The following BPTF variants were observed in gnomAD, a reference collection of about 807,000 sequenced individuals.
The protein encoded by BPTF is bromodomain PHD finger transcription factor.
Under a neutral mutation model 292.5 loss-of-function variants are expected in BPTF, and 18 were observed. That is an observed-to-expected ratio of 0.06 (90% CI 0.04 to 0.09). The LOEUF (loss-of-function observed/expected upper bound fraction) is 0.09, where lower values mean the gene tolerates loss of function less well. BPTF is among the 10% of genes least tolerant of loss of function. BPTF has a pLI of 1.00. For missense variants in BPTF, 2,726 were observed against 3,498.7 expected (o/e 0.78, Z 5.57); for synonymous variants, 1,225 against 1,251.9 (o/e 0.98, Z 0.45).
chr17:67,868,355 A>G (rs1358559530), intron 3 of BPTF, among the ~76,000 whole-genome samples: 1 of 152,096 alleles, frequency 6.6e-6, no homozygotes, highest in Non-Finnish European at 1.5e-5. Context: ...GTGTTTTCTA[A>G]TGTAGCCATC....
rs563746118 is a variant in BPTF, at chr17:67,852,276, C to T, written c.614-1664C>T. Among the ~76,000 whole-genome samples, 4 of 151,900 alleles carry T rather than the reference C, an allele frequency of 2.6e-5. No individual in the cohort carries two copies. In the South Asian group the frequency reaches 8.3e-4, roughly 32 times the overall value. On this transcript the variant is annotated intron_variant, in intron 1 of 27. Coordinates refer to ENST00000306378, the MANE Select transcript of BPTF (RefSeq NM_182641.4). ...TTTTATATTTTTATAGATACCTGTC[C>T]AATTTTTTCTTTTAAAATTTTATAA...
chr17:67,854,197 T>C lies in BPTF; in HGVS notation c.871T>C (p.Leu291=). 1 of 1,614,242 alleles carries C rather than the reference T, an allele frequency of 6.2e-7. No individual in the cohort carries two copies. Among genetic ancestry groups the C allele is most frequent in the Non-Finnish European group, 8.5e-7 (1 of 1,180,048 alleles). Residue 291 remains leucine, a synonymous_variant, in exon 2 of 28, where the codon TTG becomes CTG. Transcript: ENST00000306378. This position sits in a 1 kb window ranked among gnomAD's most constrained non-coding sequence, Gnocchi z 5.6. The part of the protein sequence containing the change: ...TLMAEMHVVL[L]KAVLREEDTS... The stretch of plus-strand genomic sequence containing the variant: ...CATGGCAGAGATGCATGTTGTGCTT[T>C]TGAAAGCAGTTCTGCGTGAAGAAGA...
intron 4 of BPTF, 149 bp downstream of exon 4, chr17:67,875,169 C>G: frequency 1.5e-6 from 1 of 686,498 alleles, no homozygotes; most frequent in South Asian, 2.0e-5. Flanking sequence ...CCTCTTATAA[C>G]GTGTGTAACA....
Position 67,825,683 on chromosome 17 carries a change from CCTCCCCCTTCGCTTTCCTT to C in BPTF, c.-34_-16del. 1.2e-6 allele frequency: 1 copy of C among 807,354 alleles called. No homozygotes were observed. The highest frequency in any genetic ancestry group is 1.6e-6 in the Non-Finnish European group (1 of 644,846). 50.0% of individuals were successfully genotyped at this position (807,354 alleles called of 1,614,324 possible). A position where few individuals can be genotyped will look rare whatever the true frequency, so the allele number is the denominator to read the frequency against. ...CCCCACCGCCCCCCCTGCGCCCGCC[CCTCCCCCTTCGCTTTCCTT>C]CTCCCCCCGCCTCGGCTCCGACATG... On this transcript the variant is annotated 5_prime_UTR_variant, in exon 1 of 28. Transcript: ENST00000306378.
intron 14 of BPTF, 45 bp downstream of exon 14, chr17:67,923,035 C>A: frequency 3.3e-6 from 5 of 1,503,732 alleles, no homozygotes; most frequent in Non-Finnish European, 4.5e-6. Flanking sequence ...AAGATTTTAT[C>A]ACTTCAGAAT....
intron 11 of BPTF, among the ~76,000 whole-genome samples, chr17:67,917,131 C>CCTTTTTTTTTTTTTTTTTTTTTTTTTTTT (rs2063065953): frequency 8.5e-5 from 9 of 105,788 alleles, no homozygotes; most frequent in African/African-American, 2.9e-4. Flanking sequence ...TGGTATTGTC[C>CCTTTTTTTTTTTTTTTTTTTTTTTTTTTT]TTTTTTTTTT....
Position 67,912,347 on chromosome 17 carries a change from T to A in BPTF, c.4463T>A (p.Leu1488Gln), listed in dbSNP as rs2062709664. 6.2e-7 allele frequency: 1 copy of A among 1,614,000 alleles called. No homozygotes were observed. Among genetic ancestry groups the A allele is most frequent in the African/African-American group, 1.3e-5 (1 of 74,928 alleles). The change falls in exon 11 of 28, where the codon CTG becomes CAG. Residue 1488 changes from leucine (L) to glutamine (Q), a missense_variant. Around this residue, in one of 22 missense-constraint regions of BPTF, gnomAD observed 713 missense variants for 714.9 expected, o/e 1.00. Coordinates refer to ENST00000306378, the MANE Select transcript of BPTF (RefSeq NM_182641.4). ...AGCTCCGAAACAAAATCGCATTTGC[T>A]GAGTTCTTCAGATGCTGAAGGTAAC... ...RNSSETKSHL[L>Q]SSSDAEGNYR... is the part of the protein sequence containing the mutation.
chr17:67,953,285 C>G (rs2066565679), intron 23 of BPTF, among the ~76,000 whole-genome samples: 1 of 129,078 alleles, frequency 7.7e-6, no homozygotes. Context: ...GAGACGGAGT[C>G]TTACTCTGTC....
Position 67,948,154 on chromosome 17 carries a change from AAAC to A in BPTF, c.7775_7777del (p.Lys2592del). On this transcript the variant is annotated inframe_deletion, in exon 23 of 28. Coordinates refer to ENST00000306378, the MANE Select transcript of BPTF (RefSeq NM_182641.4). ...TAAAGAAGAAAAACAGGCAGCAAAA[AAAC>A]GGAAGCGTGAAGAGAGTGTGGAGCA... The A allele has an allele frequency of 6.2e-7, 1 of 1,614,234 alleles. No individual in the cohort carries two copies. Among genetic ancestry groups the A allele is most frequent in the Non-Finnish European group, 8.5e-7 (1 of 1,180,052 alleles).
At chr17:67,961,502 C>G (rs1555684019) in intron 24 of BPTF, among the ~76,000 whole-genome samples, 1 of 152,146 alleles carries the variant, frequency 6.6e-6, no homozygotes, top group South Asian at 2.1e-4. Flanking sequence ...CACAAACTAT[C>G]TCAGAGGACC....
chr17:67,893,583 C>T lies in BPTF; in HGVS notation c.2269C>T (p.Leu757=). ...KRRHLAHKFC[L]TPAGEFKWNG... ...AAGGCATCTTGCACATAAGTTCTGT[C>T]TGACTCCAGCAGGAGAGTTCAAATG... Residue 757 remains leucine, a synonymous_variant, in exon 6 of 28, where the codon CTG becomes TTG. Transcript: ENST00000306378. 6.2e-7 allele frequency: 1 copy of T among 1,613,086 alleles called. No homozygotes were observed. Among genetic ancestry groups the T allele is most frequent in the South Asian group, 1.1e-5 (1 of 91,058 alleles).
chr17:67,851,811 AGTTT>A (rs760386843), intron 1 of BPTF, among the ~76,000 whole-genome samples: 2 of 152,084 alleles, frequency 1.3e-5, no homozygotes, highest in Non-Finnish European at 2.9e-5. Context: ...CCTTCCCAAC[AGTTT>A]GTTTGGTTAA....
At chr17:67,899,789 A>G (rs1598512656) in intron 7 of BPTF, among the ~76,000 whole-genome samples, 1 of 151,934 alleles carries the variant, frequency 6.6e-6, no homozygotes, top group South Asian at 2.1e-4. Context: ...TCGGCTTCCC[A>G]AAGTGCTGGG....
Position 67,960,177 on chromosome 17 carries a change from G to A in BPTF, c.8261+302G>A, listed in dbSNP as rs894153104. 5 of 252,876 alleles carry A rather than the reference G, an allele frequency of 2.0e-5. No individual in the cohort carries two copies. In the South Asian group the frequency reaches 2.8e-4, roughly 14 times the overall value. 15.7% of individuals were successfully genotyped at this position (252,876 alleles called of 1,614,324 possible). ...AACTCCAAATCAGTGAGTAATTGAT[G>A]TCTGGAGAAGGAGGTGTATTACTGT... On this transcript the variant is annotated intron_variant, in intron 24 of 27. Transcript: ENST00000306378.
intron 2 of BPTF, among the ~76,000 whole-genome samples, chr17:67,858,555 CAAAAAAA>C (rs561316267): frequency 6.4e-5 from 5 of 77,950 alleles, no homozygotes; most frequent in African/African-American, 6.3e-5. Flanking sequence ...ACTCTGTCTC[CAAAAAAA>C]AAAAAAAAAA....
At chr17:67,830,178 T>C (rs1397377251) in intron 1 of BPTF, among the ~76,000 whole-genome samples, 1 of 152,262 alleles carries the variant, frequency 6.6e-6, no homozygotes, top group Non-Finnish European at 1.5e-5. Flanking sequence ...CACTTTGAAA[T>C]TAAGCATTTG....
chr17:67,963,383 T>C, intron 24 of BPTF: 1 of 1,535,838 alleles, frequency 6.5e-7, no homozygotes, highest in Non-Finnish European at 8.7e-7. Context: ...GGAGAATGTG[T>C]TGGCATCACA....
chr17:67,859,965 G>A (rs557466540), intron 2 of BPTF, among the ~76,000 whole-genome samples: 3 of 152,032 alleles, frequency 2.0e-5, no homozygotes, highest in Non-Finnish European at 2.9e-5. Context: ...ATACATTGTC[G>A]AGGAAATCAA....
intron 12 of BPTF, among the ~76,000 whole-genome samples, chr17:67,919,269 C>T (rs1296313198): frequency 2.0e-5 from 3 of 151,588 alleles, no homozygotes; most frequent in African/African-American, 7.3e-5. Context: ...TGTGTGGTGG[C>T]TCTCACCTGT....
Sources: allele counts gnomAD v4.1 joint callset (sites outside exome capture counted in the v4.1 genomes callset), GRCh38; gene constraint gnomAD v4.1.1; regional missense constraint gnomAD v4.1.1; non-coding constraint Gnocchi (gnomAD v3.1); transcripts MANE v1.5; gene names NCBI Gene and HGNC (gene_info 2026-07-23, HGNC 2026-07-21).